Variants in DCHS2 observed in about 807,000 individuals in gnomAD.
DCHS2 encodes dachsous cadherin-related 2, also known as protocadherin-23.
DCHS2 carries 142 observed loss-of-function variants against 182.4 expected under a neutral mutation model. The observed-to-expected ratio is 0.78, with a 90% CI of 0.68 to 0.89. The LOEUF is 0.89. Ranked by LOEUF, DCHS2 falls within the 40% of genes least tolerant of loss-of-function variation. The pLI is 0.00. For synonymous variants in DCHS2, 1,740 were observed against 1,663.3 expected (o/e 1.05, Z -1.12); for missense variants, 4,319 against 4,198.6 (o/e 1.03, Z -0.79).
intron 3 of DCHS2, chr4:154,354,609 A>G (rs1054933682): frequency 3.9e-5 from 6 of 152,242 alleles, no homozygotes; most frequent in East Asian, 1.9e-4. Context: ...CCTACAATCC[A>G]TCTAGGACAC....
intron 1 of DCHS2, among the ~76,000 whole-genome samples, chr4:154,404,543 A>G (rs1175379581): frequency 6.6e-6 from 1 of 152,186 alleles, no homozygotes; most frequent in Non-Finnish European, 1.5e-5. Flanking sequence ...TGGAGGAAAG[A>G]GTTGTTCAAA....
At chr4:154,374,774 T>G (rs978062250) in intron 2 of DCHS2, among the ~76,000 whole-genome samples, 1 of 152,078 alleles carries the variant, frequency 6.6e-6, no homozygotes, top group African/African-American at 2.4e-5. Flanking sequence ...GGTCTGTCTA[T>G]ACAAAAGAGT....
Position 154,377,343 on chromosome 4 carries a change from G to A in DCHS2, c.2154C>T (p.Asp718=), listed in dbSNP as rs369054659. ...SYEAPQAFRI[D]PHDGQICVSQ... ...AAACACAGATTTGCCCATCATGAGG[G>A]TCGATCCGGAATGCCTGAGGTGCTT... The change falls in exon 2 of 20, where the codon GAC becomes GAT. Residue 718 remains aspartate, a synonymous_variant. Transcript: ENST00000357232. 1.2e-6 allele frequency: 2 copies of A among 1,613,688 alleles called. No individual in the cohort carries two copies. The highest frequency in any genetic ancestry group is 1.1e-5 in the South Asian group (1 of 91,070).
intron 1 of DCHS2, among the ~76,000 whole-genome samples, chr4:154,456,073 G>C (rs1342057486): frequency 6.6e-6 from 1 of 151,338 alleles, no homozygotes; most frequent in Non-Finnish European, 1.5e-5. Flanking sequence ...CTGGGCAACA[G>C]AGCAAGACTC....
chr4:154,300,510 C>CAAAAAAAA (rs61371659), intron 12 of DCHS2, among the ~76,000 whole-genome samples: 1 of 108,156 alleles, frequency 9.2e-6, no homozygotes, highest in African/African-American at 3.2e-5. Flanking sequence ...CTCATCTCTA[C>CAAAAAAAA]AAAAAAAAAA....
At chr4:154,430,835 A>G (rs1396359817) in intron 1 of DCHS2, among the ~76,000 whole-genome samples, 1 of 151,936 alleles carries the variant, frequency 6.6e-6, no homozygotes, top group African/African-American at 2.4e-5. Context: ...AGACCATCCT[A>G]CCCTGTGGCC....
rs762454006 is a variant in DCHS2, at chr4:154,333,443, T to C, written c.2765A>G (p.Lys922Arg). 1.6e-5 allele frequency: 26 copies of C among 1,613,680 alleles called. No individual in the cohort carries two copies. In the Admixed American group the frequency reaches 4.0e-4, roughly 25 times the overall value. The change falls in exon 5 of 20, where the codon AAG (lysine) becomes AGG (arginine). Residue 922 changes from lysine (K) to arginine (R), a missense_variant. Coordinates refer to ENST00000357232, the MANE Select transcript of DCHS2 (RefSeq NM_001358235.2). ...GCCCAGCCGCGGGTGAATGGAGAAC[T>C]TTCCGCCGAGATCACCAGAAGAAAT... is the stretch of plus-strand genomic sequence containing the variant. ...YRISSGDLGG[K>R]FSIHPRLGTI...
Position 154,490,865 on chromosome 4 carries a change from G to A in DCHS2, c.491C>T (p.Ser164Leu), listed in dbSNP as rs1728803016. 14 of 1,551,542 alleles carry A rather than the reference G, an allele frequency of 9.0e-6. No homozygotes were observed. The highest frequency in any genetic ancestry group is 1.0e-5 in the Non-Finnish European group (12 of 1,146,936). The stretch of plus-strand genomic sequence containing the variant: ...CAGGGAGTCGAGGGGAAAGCGGGGC[G>A]AGTGGTCATTCACGTCGTTGACGCG... ...EIRVNDVNDH[S>L]PRFPLDSLQL... Residue 164 changes from serine to leucine, a missense_variant, in exon 1 of 20, where the codon TCG becomes TTG. Physicochemically the swap from Ser to Leu is moderately radical, Grantham distance 145 (BLOSUM62 -2). Coordinates refer to ENST00000357232, the MANE Select transcript of DCHS2 (RefSeq NM_001358235.2).
chr4:154,312,713 T>A (rs566598600), intron 10 of DCHS2, among the ~76,000 whole-genome samples: 1 of 152,326 alleles, frequency 6.6e-6, no homozygotes, highest in Non-Finnish European at 1.5e-5. Flanking sequence ...CAGATAGTAT[T>A]GTCCACTCGA....
intron 7 of DCHS2, among the ~76,000 whole-genome samples, chr4:154,325,701 G>C (rs1216225834): frequency 1.3e-5 from 2 of 152,124 alleles, no homozygotes; most frequent in African/African-American, 4.8e-5. Context: ...CACTACCTCT[G>C]TATAATCCAC....
At chr4:154,477,925 A>G (rs1735754993) in intron 1 of DCHS2, among the ~76,000 whole-genome samples, 1 of 152,342 alleles carries the variant, frequency 6.6e-6, no homozygotes, top group African/African-American at 2.4e-5. Context: ...GGTGGGAAAT[A>G]TTATCAGCTA....
intron 1 of DCHS2, among the ~76,000 whole-genome samples, chr4:154,432,389 C>T (rs1009008387): frequency 6.6e-6 from 1 of 152,008 alleles, no homozygotes; most frequent in African/African-American, 2.4e-5. Flanking sequence ...TTAAAACAAG[C>T]CACATAACTT....
intron 1 of DCHS2, among the ~76,000 whole-genome samples, chr4:154,407,520 G>T (rs1285375544): frequency 6.6e-6 from 1 of 152,146 alleles, no homozygotes; most frequent in Non-Finnish European, 1.5e-5. Context: ...GTGACAGGAA[G>T]TCCTACTTTT....
chr4:154,376,196 C>T (rs565787802), intron 2 of DCHS2, among the ~76,000 whole-genome samples: 1 of 152,130 alleles, frequency 6.6e-6, no homozygotes, highest in South Asian at 2.1e-4. Flanking sequence ...ATCCATTGAG[C>T]TATACACTTA....
Position 154,476,772 on chromosome 4 carries a change from G to A in DCHS2, c.2052+12532C>T, listed in dbSNP as rs116841685. Among the ~76,000 whole-genome samples, 11 of 152,316 alleles carry A rather than the reference G, an allele frequency of 7.2e-5. No homozygotes were observed. In the East Asian group the frequency reaches 1.3e-3, roughly 19 times the overall value. ...TGAGGAATGCTGCAGAACATAAGAC[G>A]CATTACGTGGTATCAGGAAATGTCA... On this transcript the variant is annotated intron_variant, in intron 1 of 19. Coordinates refer to ENST00000357232, the MANE Select transcript of DCHS2 (RefSeq NM_001358235.2).
At chr4:154,293,532 G>A (rs1173639425) in intron 13 of DCHS2, among the ~76,000 whole-genome samples, 3 of 152,090 alleles carry the variant, frequency 2.0e-5, no homozygotes, top group Admixed American at 1.3e-4. Flanking sequence ...TGTAGTCCTG[G>A]TTGAGAACCT....
chr4:154,486,343 G>T (rs1258816997), intron 1 of DCHS2: 4 of 1,248,558 alleles, frequency 3.2e-6, no homozygotes, highest in Non-Finnish European at 4.2e-6. Context: ...AACTAGAGTG[G>T]TAGGACCCCA....
At chr4:154,431,644 T>C (rs181306998) in intron 1 of DCHS2, among the ~76,000 whole-genome samples, 52 of 152,328 alleles carry the variant, frequency 3.4e-4, no homozygotes, top group African/African-American at 1.3e-3. Context: ...TTAAATCTCT[T>C]CCAGGACTTG....
chr4:154,284,569 A>C (rs1734300791), intron 13 of DCHS2: 1 of 152,498 alleles, frequency 6.6e-6, no homozygotes, highest in Non-Finnish European at 1.5e-5. Flanking sequence ...CTGAAGAGAG[A>C]GAATCTGTGC....
Sources: gnomAD v4.1 joint callset for allele counts (sites outside exome capture counted in the v4.1 genomes callset) on GRCh38, gnomAD v4.1.1 for gene constraint, MANE v1.5 for transcripts, NCBI Gene and HGNC (gene_info 2026-07-23, HGNC 2026-07-21) for gene names.